SLC35F3: variants seen among roughly 807,000 people sequenced by gnomAD.
The protein encoded by SLC35F3 is solute carrier family 35 member F3.
SLC35F3 carries 25 observed loss-of-function variants against 49.9 expected under a neutral mutation model. That is an observed-to-expected ratio of 0.50 (90% CI 0.37 to 0.70). The LOEUF is 0.70. Ranked by LOEUF, SLC35F3 falls within the 30% of genes least tolerant of loss-of-function variation. The pLI is 0.00. For synonymous variants in SLC35F3, 275 were observed against 265.4 expected, an observed-to-expected ratio of 1.04 and a Z score of -0.35; for missense variants, 525 against 639.8, an observed-to-expected ratio of 0.82 and a Z score of 1.94.
chr1:234,323,263 G>A lies in SLC35F3; in HGVS notation c.*20G>A. The A allele has an allele frequency of 1.9e-6, 3 of 1,601,246 alleles. No individual in the cohort carries two copies. The highest frequency in any genetic ancestry group is 1.7e-6 in the Non-Finnish European group (2 of 1,172,570). ...CGCTAACACCACTCCTCTAGAACTC[G>A]GTGGTAATGACTGGGAGGTCTATTC... is the stretch of plus-strand genomic sequence containing the variant. On this transcript the variant is annotated 3_prime_UTR_variant, in exon 8 of 8. Transcript: ENST00000366618. This position sits in a 1 kb window ranked among gnomAD's most constrained non-coding sequence, Gnocchi z 4.5.
At chr1:234,196,761 G>A (rs1412787277) in intron 2 of SLC35F3, among the ~76,000 whole-genome samples, 7 of 152,204 alleles carry the variant, frequency 4.6e-5, no homozygotes, top group African/African-American at 1.7e-4. Context: ...CCAAGATGGT[G>A]AAACCTCGTC....
At chr1:234,002,064 C>G (rs562383536) in intron 2 of SLC35F3, among the ~76,000 whole-genome samples, 1 of 152,278 alleles carries the variant, frequency 6.6e-6, no homozygotes, top group East Asian at 1.9e-4. Context: ...TGGCTGTAGA[C>G]AGGACTTTCA....
At chr1:234,053,803 T>C (rs1229701355) in intron 2 of SLC35F3, among the ~76,000 whole-genome samples, 1 of 152,222 alleles carries the variant, frequency 6.6e-6, no homozygotes, top group East Asian at 1.9e-4. Flanking sequence ...CCATGTTTAG[T>C]GCTTCCTTCA....
At chr1:233,936,744 A>G (rs1346122785) in intron 2 of SLC35F3, among the ~76,000 whole-genome samples, 1 of 151,446 alleles carries the variant, frequency 6.6e-6, no homozygotes, top group Non-Finnish European at 1.5e-5. Context: ...GCTGAAGTGC[A>G]GTGGTGTGAT....
chr1:234,041,347 G>A (rs1283906855), intron 2 of SLC35F3, among the ~76,000 whole-genome samples: 1 of 152,074 alleles, frequency 6.6e-6, no homozygotes, highest in Non-Finnish European at 1.5e-5. Context: ...GTACATAGTC[G>A]CTGTGATCTC....
intron 2 of SLC35F3, among the ~76,000 whole-genome samples, chr1:233,933,504 G>A (rs1045383402): frequency 6.6e-6 from 1 of 152,086 alleles, no homozygotes; most frequent in African/African-American, 2.4e-5. Context: ...ATTTATTTTT[G>A]TGTAGAGAAC....
At chr1:234,232,842 T>C (rs1667406795) in intron 3 of SLC35F3, among the ~76,000 whole-genome samples, 1 of 152,236 alleles carries the variant, frequency 6.6e-6, no homozygotes. Context: ...TCCGGGAATC[T>C]ACCATGTTGT....
At chr1:234,187,000 T>C (rs528712635) in intron 2 of SLC35F3, among the ~76,000 whole-genome samples, 485 of 152,268 alleles carry the variant, frequency 3.2e-3, no homozygotes, top group Middle Eastern at 0.01. Flanking sequence ...TCAGGTACTC[T>C]AGCTTTTCCT....
At chr1:234,137,751 T>C (rs1487483973) in intron 2 of SLC35F3, among the ~76,000 whole-genome samples, 4 of 152,182 alleles carry the variant, frequency 2.6e-5, no homozygotes, top group East Asian at 3.9e-4. Context: ...CAGGAGCACA[T>C]GTCGCAGCAA....
At chr1:234,077,905 C>T (rs1364942630) in intron 2 of SLC35F3, among the ~76,000 whole-genome samples, 1 of 152,192 alleles carries the variant, frequency 6.6e-6, no homozygotes, top group African/African-American at 2.4e-5. Flanking sequence ...ACTTTATTCC[C>T]AGCAGATGAC....
At chr1:233,949,014 C>A (rs1320217181) in intron 2 of SLC35F3, among the ~76,000 whole-genome samples, 1 of 152,000 alleles carries the variant, frequency 6.6e-6, no homozygotes, top group Non-Finnish European at 1.5e-5. Context: ...AGCACTAGAG[C>A]CCCCAACCTC....
At chr1:233,929,583 A>G (rs577193921) in intron 2 of SLC35F3, among the ~76,000 whole-genome samples, 57 of 152,170 alleles carry the variant, frequency 3.7e-4, no homozygotes, top group Non-Finnish European at 6.8e-4. Context: ...TATATTGACT[A>G]AATCTCTTTG....
chr1:234,317,385 C>G (rs558623371), intron 5 of SLC35F3, among the ~76,000 whole-genome samples: 15 of 151,732 alleles, frequency 9.9e-5, no homozygotes, highest in Admixed American at 8.5e-4. Context: ...GCTCTCCCCC[C>G]TCACTTCCCT....
intron 2 of SLC35F3, among the ~76,000 whole-genome samples, chr1:234,154,072 A>AC (rs1666116116): frequency 6.6e-6 from 1 of 151,322 alleles, no homozygotes; most frequent in Non-Finnish European, 1.5e-5. Flanking sequence ...AAAAAAAAAA[A>AC]CAAAAAACAA....
intron 2 of SLC35F3, among the ~76,000 whole-genome samples, chr1:234,000,452 T>G (rs924329778): frequency 2.6e-5 from 4 of 152,206 alleles, no homozygotes; most frequent in Non-Finnish European, 4.4e-5. Flanking sequence ...ATGTATGTAT[T>G]GGACATCTTA....
chr1:234,304,701 A>G (rs1359019479), intron 3 of SLC35F3, among the ~76,000 whole-genome samples: 2 of 152,320 alleles, frequency 1.3e-5, no homozygotes, highest in East Asian at 3.9e-4. Flanking sequence ...CTCCTATGTG[A>G]ATATGTTAGG....
intron 2 of SLC35F3, among the ~76,000 whole-genome samples, chr1:234,086,563 C>CCTA (rs1369303346): frequency 6.6e-6 from 1 of 152,158 alleles, no homozygotes; most frequent in African/African-American, 2.4e-5. Flanking sequence ...TGCATTCAAT[C>CCTA]CTACAAAATC....
Position 233,904,963 on chromosome 1 carries a change from G to A in SLC35F3, c.-115G>A. ...GGCCCGGGGCGGCCGGCGCGGCGCA[G>A]ACCCTCGGTGGGCAGCGCACTCCAG... On this transcript the variant is annotated 5_prime_UTR_variant, in exon 1 of 8. Coordinates refer to ENST00000366618, the MANE Select transcript of SLC35F3 (RefSeq NM_173508.4). The A allele has an allele frequency of 8.2e-7, 1 of 1,225,744 alleles. No homozygotes were observed. The highest frequency in any genetic ancestry group is 1.5e-5 in the South Asian group (1 of 67,436). The allele number at this position is 1,225,744 out of a possible 1,614,324, so 75.9% of individuals were successfully genotyped here. A position where few individuals can be genotyped will look rare whatever the true frequency, so the allele number is the denominator to read the frequency against.
intron 2 of SLC35F3, among the ~76,000 whole-genome samples, chr1:234,222,961 A>G (rs562564332): frequency 6.6e-6 from 1 of 152,348 alleles, no homozygotes; most frequent in African/African-American, 2.4e-5. Flanking sequence ...TGCACAAGCC[A>G]TAACTAGCAG....
Sources: gnomAD v4.1 joint callset for allele counts (sites outside exome capture counted in the v4.1 genomes callset) on GRCh38, gnomAD v4.1.1 for gene constraint, Gnocchi (gnomAD v3.1) non-coding constraint, MANE v1.5 for transcripts, NCBI Gene and HGNC (gene_info 2026-07-23, HGNC 2026-07-21) for gene names.